The following FANCB variants were observed in gnomAD, a reference collection of about 807,000 sequenced individuals.
The protein encoded by FANCB is Fanconi anemia group B protein.
In FANCB, 5 loss-of-function variants were observed where a neutral mutation model predicts 38.9. That is an observed-to-expected ratio of 0.13 (90% CI 0.07 to 0.27). The LOEUF is 0.27. FANCB is among the 10% of genes least tolerant of loss of function. FANCB has a pLI of 1.00. For synonymous variants in FANCB, 236 were observed against 215.4 expected, an observed-to-expected ratio of 1.10 and a Z score of -0.84; for missense variants, 573 against 602.7, an observed-to-expected ratio of 0.95 and a Z score of 0.52.
chrX:14,867,057 T>C (rs977407654), intron 2 of FANCB, among the ~76,000 whole-genome samples: 3 of 111,179 alleles, frequency 2.7e-5, no homozygotes, highest in Non-Finnish European at 5.7e-5. Flanking sequence ...CAATGAAAAC[T>C]ATAATATACT....
At chrX:14,826,888 T>C in the FANCB span, among the ~76,000 whole-genome samples, 2 of 111,915 alleles carry the variant, frequency 1.8e-5, no homozygotes, top group Non-Finnish European at 3.8e-5. Flanking sequence ...TTTCATCTAA[T>C]ATTTTTGTTT....
At chrX:14,772,976 A>G in the FANCB span, among the ~76,000 whole-genome samples, 1 of 109,398 alleles carries the variant, frequency 9.1e-6, no homozygotes, top group East Asian at 2.9e-4. Context: ...CCCTTCCCCC[A>G]CCACCACCCC....
the FANCB span, among the ~76,000 whole-genome samples, chrX:14,827,462 T>C: frequency 8.9e-5 from 10 of 112,354 alleles, no homozygotes; most frequent in South Asian, 3.7e-4. Flanking sequence ...TAGTACATTT[T>C]AGTTGTTAAT....
At chrX:14,856,780 TA>T (rs1231537405) in intron 5 of FANCB, among the ~76,000 whole-genome samples, 1 of 111,385 alleles carries the variant, frequency 9.0e-6, no homozygotes, top group Non-Finnish European at 1.9e-5. Context: ...GCATAATTTT[TA>T]AAAGGGGGAA....
At chrX:14,736,905 C>T in the FANCB span, among the ~76,000 whole-genome samples, 2 of 111,189 alleles carry the variant, frequency 1.8e-5, no homozygotes, top group Non-Finnish European at 3.8e-5. Flanking sequence ...GCCTGTAATC[C>T]CAGCACTTTG....
At chrX:14,816,173 A>G in the FANCB span, among the ~76,000 whole-genome samples, 1 of 112,585 alleles carries the variant, frequency 8.9e-6, no homozygotes, top group African/African-American at 3.2e-5. Context: ...TAAATAAAAA[A>G]GAATTGAACA....
At chrX:14,872,650 A>ACCCC (rs1254076576) in intron 1 of FANCB, among the ~76,000 whole-genome samples, 1 of 32,077 alleles carries the variant, frequency 3.1e-5, no homozygotes, top group African/African-American at 1.2e-4. Flanking sequence ...CCCCACACAC[A>ACCCC]CCCCCCCACC....
the FANCB span, among the ~76,000 whole-genome samples, chrX:14,714,496 A>G: frequency 1.8e-5 from 2 of 111,875 alleles, no homozygotes; most frequent in Admixed American, 9.5e-5. Context: ...GGTAACTAGG[A>G]GTTGTATAGC....
chrX:14,730,931 C>T, the FANCB span: 1 of 99,616 alleles, frequency 1.0e-5, no homozygotes, highest in African/African-American at 4.3e-5. Flanking sequence ...CACACACACA[C>T]ACACACACAC....
the FANCB span, among the ~76,000 whole-genome samples, chrX:14,810,934 C>G: frequency 1.8e-5 from 2 of 112,020 alleles, no homozygotes; most frequent in African/African-American, 6.5e-5. Context: ...GGGTCACCCA[C>G]AAAGGGAAGC....
chrX:14,713,111 C>T, the FANCB span, among the ~76,000 whole-genome samples: 8 of 111,833 alleles, frequency 7.2e-5, no homozygotes, highest in East Asian at 2.8e-4. Flanking sequence ...AGTTGAAGCA[C>T]GATAAAGATC....
the FANCB span, among the ~76,000 whole-genome samples, chrX:14,805,201 G>A: frequency 9.0e-6 from 1 of 111,167 alleles, no homozygotes; most frequent in Non-Finnish European, 1.9e-5. Context: ...CAAAAAAGTG[G>A]GTGCATGAGT....
At chrX:14,797,294 G>T in the FANCB span, among the ~76,000 whole-genome samples, 2 of 111,579 alleles carry the variant, frequency 1.8e-5, no homozygotes, top group Non-Finnish European at 3.8e-5. Context: ...CCCAAAACAT[G>T]TGATCTAAAA....
downstream of FANCB, among the ~76,000 whole-genome samples, chrX:14,843,010 G>A (rs1302046413): frequency 2.7e-5 from 3 of 112,022 alleles, no homozygotes; most frequent in Non-Finnish European, 5.6e-5. Context: ...GAAACTTGTG[G>A]ATCCTGACAA....
the FANCB span, among the ~76,000 whole-genome samples, chrX:14,759,452 T>C: frequency 9.0e-6 from 1 of 111,387 alleles, no homozygotes; most frequent in East Asian, 2.8e-4. Flanking sequence ...AAGGAAAGAA[T>C]CTTAACAGCT....
chrX:14,690,573 G>GA, the FANCB span: 3 of 453,867 alleles, frequency 6.6e-6, no homozygotes, highest in Non-Finnish European at 1.1e-5. Context: ...GAAAACGCTG[G>GA]AAAATCATTG....
chrX:14,710,042 T>C, the FANCB span, among the ~76,000 whole-genome samples: 1 of 111,882 alleles, frequency 8.9e-6, no homozygotes, highest in Non-Finnish European at 1.9e-5. Flanking sequence ...CCTCAGGACA[T>C]GCCTCACTGC....
the FANCB span, among the ~76,000 whole-genome samples, chrX:14,771,285 A>C: frequency 3.2e-3 from 352 of 111,189 alleles, 1 homozygote; most frequent in African/African-American, 0.01. Flanking sequence ...GTCGTAGGTT[A>C]GGTCTCTTTA....
chrX:14,743,576 CTTT>C, the FANCB span, among the ~76,000 whole-genome samples: 69 of 91,951 alleles, frequency 7.5e-4, no homozygotes, highest in African/African-American at 7.3e-4. Flanking sequence ...GTATTTCTTT[CTTT>C]TTTTTTTTTT....
Sources: allele counts gnomAD v4.1 joint callset (sites outside exome capture counted in the v4.1 genomes callset), GRCh38; gene constraint gnomAD v4.1.1; transcripts MANE v1.5; gene names NCBI Gene and HGNC (gene_info 2026-07-23, HGNC 2026-07-21).